Variants in TWSG1 observed in about 807,000 individuals in gnomAD.
The protein encoded by TWSG1 is twisted gastrulation BMP signaling modulator 1.
TWSG1 carries 15 observed loss-of-function variants against 23.0 expected under a neutral mutation model. The ratio of observed to expected loss-of-function variants is 0.65; its 90% CI spans 0.44 to 1.00. The LOEUF (loss-of-function observed/expected upper bound fraction) is 1.00, where lower values mean the gene tolerates loss of function less well. Ranked by LOEUF, TWSG1 falls within the 50% of genes least tolerant of loss-of-function variation. TWSG1 has a pLI of 0.00. For synonymous variants in TWSG1, 86 were observed against 92.8 expected, an observed-to-expected ratio of 0.93 and a Z score of 0.42; for missense variants, 242 against 278.7, an observed-to-expected ratio of 0.87 and a Z score of 0.94.
chr18:9,340,387 A>G (rs989267444), intron 2 of TWSG1, among the ~76,000 whole-genome samples: 1 of 151,180 alleles, frequency 6.6e-6, no homozygotes, highest in African/African-American at 2.4e-5. Context: ...AAAAAAAAAA[A>G]AAAGAAAAGA....
chr18:9,378,128 G>T (rs2040639678), intron 3 of TWSG1, among the ~76,000 whole-genome samples: 1 of 152,148 alleles, frequency 6.6e-6, no homozygotes, highest in South Asian at 2.1e-4. Flanking sequence ...AAAATGAAAA[G>T]ATCAGCCACA....
intron 2 of TWSG1, among the ~76,000 whole-genome samples, chr18:9,351,109 T>C (rs925881117): frequency 2.0e-5 from 3 of 152,124 alleles, no homozygotes; most frequent in Non-Finnish European, 4.4e-5. Context: ...TTAGTTTCCT[T>C]AATTTAAGAA....
intron 3 of TWSG1, among the ~76,000 whole-genome samples, chr18:9,395,054 G>A (rs1189755781): frequency 2.6e-5 from 4 of 152,152 alleles, no homozygotes; most frequent in Non-Finnish European, 4.4e-5. Context: ...CATGTGATGC[G>A]TTTAGTAGTT....
chr18:9,370,147 G>A (rs889139967), intron 3 of TWSG1, among the ~76,000 whole-genome samples: 6 of 151,896 alleles, frequency 4.0e-5, no homozygotes, highest in Non-Finnish European at 5.9e-5. Flanking sequence ...GTGAAACCCC[G>A]TCCCTACTAA....
intron 2 of TWSG1, among the ~76,000 whole-genome samples, chr18:9,346,580 T>G (rs11876171): frequency 1.3e-5 from 2 of 151,786 alleles, no homozygotes; most frequent in East Asian, 3.9e-4. Flanking sequence ...AATTCAAGAT[T>G]GTAGTGAGAC....
chr18:9,360,371 T>G (rs2040546838), intron 3 of TWSG1, among the ~76,000 whole-genome samples: 1 of 152,184 alleles, frequency 6.6e-6, no homozygotes, highest in African/African-American at 2.4e-5. Flanking sequence ...CATTTTTTTT[T>G]TGTTTTTAAT....
intron 3 of TWSG1, among the ~76,000 whole-genome samples, chr18:9,376,523 T>C (rs527766661): frequency 1.3e-5 from 2 of 152,210 alleles, no homozygotes; most frequent in East Asian, 1.9e-4. Context: ...TTTTGTATTA[T>C]TGGATTTAGC....
Position 9,389,279 on chromosome 18 carries a change from A to G in TWSG1, c.224-7001A>G, listed in dbSNP as rs2040700490. ...GTGTGAACCACTGCACCCGGCCACT[A>G]ATTTTTATTTATAAATTTGGCAGAA... On this transcript the variant is annotated intron_variant, in intron 3 of 4. Transcript: ENST00000262120. Among the ~76,000 whole-genome samples, 3 of 152,090 alleles carry G rather than the reference A, an allele frequency of 2.0e-5. No homozygotes were observed. In the South Asian group the frequency reaches 6.2e-4, roughly 32 times the overall value.
At chr18:9,358,805 A>C (rs2040539077) in intron 2 of TWSG1, among the ~76,000 whole-genome samples, 1 of 152,218 alleles carries the variant, frequency 6.6e-6, no homozygotes, top group Non-Finnish European at 1.5e-5. Flanking sequence ...GTTCCTTCTA[A>C]GCCTGAGAGT....
intron 2 of TWSG1, among the ~76,000 whole-genome samples, chr18:9,339,982 G>T (rs1009514285): frequency 3.3e-5 from 5 of 152,134 alleles, no homozygotes; most frequent in African/African-American, 4.8e-5. Flanking sequence ...CTGATATTCC[G>T]TTGTAGCTTC....
chr18:9,348,106 AC>A (rs1301385187), intron 2 of TWSG1, among the ~76,000 whole-genome samples: 1 of 152,190 alleles, frequency 6.6e-6, no homozygotes, highest in Non-Finnish European at 1.5e-5. Context: ...AGCAGAGAAC[AC>A]TTGGGGATAA....
intron 2 of TWSG1, among the ~76,000 whole-genome samples, chr18:9,359,353 A>C (rs1235153125): frequency 1.3e-5 from 2 of 152,178 alleles, no homozygotes; most frequent in Non-Finnish European, 2.9e-5. Context: ...ATAATCTCAT[A>C]TCCACCAAAC....
chr18:9,375,690 C>T (rs1243531463), intron 3 of TWSG1, among the ~76,000 whole-genome samples: 2 of 152,052 alleles, frequency 1.3e-5, no homozygotes, highest in African/African-American at 4.8e-5. Flanking sequence ...GTTCTACATA[C>T]CAGCAATGAA....
At chr18:9,388,179 A>C (rs1046167862) in intron 3 of TWSG1, 14 of 152,128 alleles carry the variant, frequency 9.2e-5, no homozygotes, top group African/African-American at 3.1e-4. Context: ...CTGTATTTCT[A>C]GTTATTTGAA....
chr18:9,396,196 T>A, intron 3 of TWSG1, 84 bp from the exon 4 acceptor site: 17 of 917,326 alleles, frequency 1.9e-5, no homozygotes, highest in Non-Finnish European at 2.6e-5. Context: ...TGTGTAATCC[T>A]AGAAGTTACA....
At chr18:9,363,657 GCT>G (rs1421142360) in intron 3 of TWSG1, among the ~76,000 whole-genome samples, 1 of 151,812 alleles carries the variant, frequency 6.6e-6, no homozygotes, top group East Asian at 1.9e-4. Flanking sequence ...GCAGAGTTTT[GCT>G]CTCTCGCCCA....
At chr18:9,361,933 G>T (rs1271340881) in intron 3 of TWSG1, among the ~76,000 whole-genome samples, 6 of 152,198 alleles carry the variant, frequency 3.9e-5, no homozygotes, top group Non-Finnish European at 7.3e-5. Flanking sequence ...TCTGTGGGGT[G>T]CATGGCCTGT....
rs1185222439 is a variant in TWSG1, at chr18:9,334,836, A to G, written c.-122A>G. ...GGCGGGAGGCGCGGCCTGGCCTCGC[A>G]CTCAAAGCCGCCGCAGCGCGCCCCG... On this transcript the variant is annotated 5_prime_UTR_variant, in exon 1 of 5. Transcript: ENST00000262120. The surrounding 1 kb of genome is among the most constrained non-coding windows in gnomAD (Gnocchi z 4.7). 6.7e-6 allele frequency: 1 copy of G among 148,740 alleles called. No individual in the cohort carries two copies. The highest frequency in any genetic ancestry group is 2.5e-5 in the African/African-American group (1 of 39,920). 9.2% of individuals were successfully genotyped at this position (148,740 alleles called of 1,614,324 possible).
chr18:9,347,021 A>T (rs542773763), intron 2 of TWSG1, among the ~76,000 whole-genome samples: 139 of 152,338 alleles, frequency 9.1e-4, no homozygotes, highest in African/African-American at 3.2e-3. Context: ...GATTTTCACC[A>T]TCTAAATAGG....
Sources: gnomAD v4.1 joint callset for allele counts (sites outside exome capture counted in the v4.1 genomes callset) on GRCh38, gnomAD v4.1.1 for gene constraint, Gnocchi (gnomAD v3.1) non-coding constraint, MANE v1.5 for transcripts, NCBI Gene and HGNC (gene_info 2026-07-23, HGNC 2026-07-21) for gene names.